LRRC75A: variants seen among roughly 807,000 people sequenced by gnomAD.
LRRC75A encodes leucine-rich repeat-containing protein 75A.
LRRC75A carries 12 observed loss-of-function variants against 26.0 expected under a neutral mutation model. The observed-to-expected ratio is 0.46, with a 90% confidence interval of 0.30 to 0.75. LRRC75A has a LOEUF of 0.75. Among genes scored for constraint, LRRC75A ranks in the 30% least tolerant of loss-of-function variants. LRRC75A has a pLI of 0.08. For synonymous variants in LRRC75A, 223 were observed against 219.3 expected, an observed-to-expected ratio of 1.02 and a Z score of -0.15; for missense variants, 410 against 486.6, an observed-to-expected ratio of 0.84 and a Z score of 1.48.
At chr17:16,447,147 T>A (rs986132006) in intron 3 of LRRC75A, 1 of 230,682 alleles carries the variant, frequency 4.3e-6, no homozygotes, top group Non-Finnish European at 9.1e-6. Flanking sequence ...GAAGCCTTAC[T>A]TCCAGGCTCC....
chr17:16,487,163 G>A (rs2093848809), intron 1 of LRRC75A, among the ~76,000 whole-genome samples: 1 of 152,180 alleles, frequency 6.6e-6, no homozygotes, highest in South Asian at 2.1e-4. Flanking sequence ...GACATGCCCA[G>A]GAAGGTGGCC....
chr17:16,444,150 A>G lies in LRRC75A; in HGVS notation c.492-19T>C, dbSNP rs371663906. The G allele has an allele frequency of 2.6e-6, 4 of 1,564,016 alleles. No homozygotes were observed. The highest frequency in any genetic ancestry group is 2.7e-5 in the African/African-American group (2 of 74,206). ...CTTGAGGCTGAAGGGAAAAAGGACA[A>G]ACAAGGCTCAGGCACATAGGGCAGG... On this transcript the variant is annotated intron_variant, in intron 3 of 3. Coordinates refer to ENST00000470794, the MANE Select transcript of LRRC75A (RefSeq NM_001113567.3).
chr17:16,462,917 A>T lies in LRRC75A; in HGVS notation c.247-531T>A, dbSNP rs1050871243. The T allele has an allele frequency of 1.3e-5, 2 of 159,560 alleles. No homozygotes were observed. The highest frequency in any genetic ancestry group is 1.2e-4 in the Admixed American group (2 of 16,818). The allele number at this position is 159,560 out of a possible 1,614,324, so 9.9% of individuals were successfully genotyped here. A position where few individuals can be genotyped will look rare whatever the true frequency, so the allele number is the denominator to read the frequency against. On this transcript the variant is annotated intron_variant, in intron 1 of 3. Transcript: ENST00000470794. The surrounding 1 kb of genome is among the most constrained non-coding windows in gnomAD (Gnocchi z 4.6). ...GATCCTGCCAGGCACCCAGAAGGAA[A>T]CCTCATCAGGACTCCCTCAGAAAGG...
At chr17:16,480,578 G>A (rs1455629427) in intron 1 of LRRC75A, among the ~76,000 whole-genome samples, 2 of 144,478 alleles carry the variant, frequency 1.4e-5, no homozygotes, top group African/African-American at 2.7e-5. Context: ...GCAGTGAGCT[G>A]AGATTGCACC....
At position 16,462,613 on chromosome 17, in the gene LRRC75A, G is replaced by C. The variant is rs1484516312; in HGVS notation, c.247-227C>G. On this transcript the variant is annotated intron_variant, in intron 1 of 3. Coordinates refer to ENST00000470794, the MANE Select transcript of LRRC75A (RefSeq NM_001113567.3). This position sits in a 1 kb window ranked among gnomAD's most constrained non-coding sequence, Gnocchi z 4.6. ...CTGGCCTCTGCAGGCTCTGCAGTTT[G>C]TGCAGGTCCTGGCTTGTGGCCCTCT... 2.6e-5 allele frequency among the ~76,000 whole-genome samples: 4 copies of C among 152,242 alleles called. No homozygotes were observed. Among genetic ancestry groups the C allele is most frequent in the Non-Finnish European group, 5.9e-5 (4 of 68,040 alleles).
chr17:16,459,902 T>C (rs1335414179), intron 2 of LRRC75A, among the ~76,000 whole-genome samples: 1 of 152,194 alleles, frequency 6.6e-6, no homozygotes, highest in Non-Finnish European at 1.5e-5. Context: ...TCACCCACTC[T>C]GGCTGGCTCT....
intron 3 of LRRC75A, among the ~76,000 whole-genome samples, chr17:16,446,695 G>T (rs1765443391): frequency 6.6e-6 from 1 of 152,082 alleles, no homozygotes; most frequent in African/African-American, 2.4e-5. Flanking sequence ...ATGGGTGTGT[G>T]TGGGGAACCA....
intron 1 of LRRC75A, among the ~76,000 whole-genome samples, chr17:16,467,260 G>A (rs1310366064): frequency 6.6e-6 from 1 of 152,174 alleles, no homozygotes; most frequent in African/African-American, 2.4e-5. Context: ...CTCAAGTGAT[G>A]CTCCTGTCTC....
At chr17:16,446,404 G>A (rs893211602) in intron 3 of LRRC75A, among the ~76,000 whole-genome samples, 5 of 152,264 alleles carry the variant, frequency 3.3e-5, no homozygotes, top group African/African-American at 1.2e-4. Context: ...AGAAGGTAGC[G>A]TGTGGACTGA....
chr17:16,446,393 G>A (rs1054986564), intron 3 of LRRC75A, among the ~76,000 whole-genome samples: 1 of 152,200 alleles, frequency 6.6e-6, no homozygotes, highest in African/African-American at 2.4e-5. Flanking sequence ...GGCTACTCAG[G>A]AGAAGGTAGC....
Position 16,473,438 on chromosome 17 carries a change from C to T in LRRC75A, c.247-11052G>A, listed in dbSNP as rs184540929. 1.5e-3 allele frequency among the ~76,000 whole-genome samples: 224 copies of T among 152,280 alleles called. No homozygotes were observed. In the Middle Eastern group the frequency reaches 0.02, roughly 14 times the overall value. On this transcript the variant is annotated intron_variant, in intron 1 of 3. Coordinates refer to ENST00000470794, the MANE Select transcript of LRRC75A (RefSeq NM_001113567.3). Reference sequence around the variant, plus strand: ...TGCTGATGTCTAAGGTGGGCATTGCCCGGCTCCTGGTCCCAGTCTTGGGGG... The same window carrying T: ...TGCTGATGTCTAAGGTGGGCATTGCTCGGCTCCTGGTCCCAGTCTTGGGGG...
At position 16,462,141 on chromosome 17, in the gene LRRC75A, G is replaced by A. The variant is rs796303202; in HGVS notation, c.375+117C>T. The stretch of plus-strand genomic sequence containing the variant: ...CTCAAGCTCTTGGTGCCTGGAGGAC[G>A]GGCTTGTCCTCCTTGGGCCTGTCTG... On this transcript the variant is annotated intron_variant, in intron 2 of 3. Coordinates refer to ENST00000470794, the MANE Select transcript of LRRC75A (RefSeq NM_001113567.3). This position sits in a 1 kb window ranked among gnomAD's most constrained non-coding sequence, Gnocchi z 4.6. 36 of 1,300,530 alleles carry A rather than the reference G, an allele frequency of 2.8e-5. No individual in the cohort carries two copies. Among genetic ancestry groups the A allele is most frequent in the East Asian group, 1.7e-4 (7 of 40,226 alleles). The allele number at this position is 1,300,530 out of a possible 1,614,324, so 80.6% of individuals were successfully genotyped here. A position where few individuals can be genotyped will look rare whatever the true frequency, so the allele number is the denominator to read the frequency against.
At chr17:16,455,292 T>C (rs148932392) in intron 2 of LRRC75A, among the ~76,000 whole-genome samples, 5 of 152,266 alleles carry the variant, frequency 3.3e-5, no homozygotes, top group African/African-American at 9.6e-5. Flanking sequence ...AACACATTTG[T>C]TCTGCTTTTT....
chr17:16,485,966 A>G (rs2093846341), intron 1 of LRRC75A, among the ~76,000 whole-genome samples: 1 of 152,134 alleles, frequency 6.6e-6, no homozygotes, highest in Non-Finnish European at 1.5e-5. Flanking sequence ...GGGTGGGGGA[A>G]TACCCAGGCC....
chr17:16,457,806 GAA>G (rs35875846), intron 2 of LRRC75A, among the ~76,000 whole-genome samples: 351 of 148,322 alleles, frequency 2.4e-3, no homozygotes, highest in Middle Eastern at 0.01. Context: ...GTCTCTACAA[GAA>G]AAAAAAAAAC....
At chr17:16,464,577 C>A (rs918777383) in intron 1 of LRRC75A, among the ~76,000 whole-genome samples, 7 of 152,280 alleles carry the variant, frequency 4.6e-5, no homozygotes, top group Admixed American at 2.6e-4. Flanking sequence ...CATTTCTGCC[C>A]CCTCCTCCCT....
chr17:16,453,482 G>A (rs150478196), intron 2 of LRRC75A, among the ~76,000 whole-genome samples: 7 of 152,280 alleles, frequency 4.6e-5, no homozygotes, highest in African/African-American at 1.7e-4. Flanking sequence ...TGAGGAGCCT[G>A]CGTCTCCTCA....
At chr17:16,490,614 T>G (rs1444037029) in intron 1 of LRRC75A, among the ~76,000 whole-genome samples, 2 of 151,882 alleles carry the variant, frequency 1.3e-5, no homozygotes, top group African/African-American at 4.8e-5. Flanking sequence ...GATACAAAGG[T>G]GGGGAAGAGT....
At chr17:16,471,966 AAG>A (rs2093807748) in intron 1 of LRRC75A, among the ~76,000 whole-genome samples, 1 of 152,150 alleles carries the variant, frequency 6.6e-6, no homozygotes, top group Non-Finnish European at 1.5e-5. Context: ...AGGAAGATGA[AAG>A]AGTTCTGGAG....
Sources: gnomAD v4.1 joint callset for allele counts (sites outside exome capture counted in the v4.1 genomes callset) on GRCh38, gnomAD v4.1.1 for gene constraint, Gnocchi (gnomAD v3.1) non-coding constraint, MANE v1.5 for transcripts, NCBI Gene and HGNC (gene_info 2026-07-23, HGNC 2026-07-21) for gene names.